VPS13B: variants seen among roughly 807,000 people sequenced by gnomAD.
The protein encoded by VPS13B is intermembrane lipid transfer protein VPS13B.
Under a neutral mutation model 426.4 loss-of-function variants are expected in VPS13B, and 285 were observed. The ratio of observed to expected loss-of-function variants is 0.67; its 90% confidence interval spans 0.61 to 0.74. The LOEUF (loss-of-function observed/expected upper bound fraction) is 0.74. VPS13B is among the 30% of genes least tolerant of loss of function. The pLI is 0.00. For missense variants in VPS13B, 4,537 were observed against 4,782.6 expected (o/e 0.95, Z 1.51); for synonymous variants, 1,676 against 1,676.4 (o/e 1.00, Z 0.01).
At chr8:99,821,213 T>A (rs1814351512) in intron 49 of VPS13B, 81 bp from the exon 50 acceptor site, 1 of 1,306,678 alleles carries the variant, frequency 7.7e-7, no homozygotes. Context: ...TATATAATAT[T>A]AAAAAAAAAA....
intron 17 of VPS13B, among the ~76,000 whole-genome samples, chr8:99,267,644 T>G (rs1170098161): frequency 6.6e-6 from 1 of 151,734 alleles, no homozygotes; most frequent in Non-Finnish European, 1.5e-5. Flanking sequence ...GGAGAATCGC[T>G]TGAACCAGGG....
Position 99,135,678 on chromosome 8 carries a change from G to A in VPS13B, c.1508G>A (p.Ser503Asn). 3 of 1,613,356 alleles carry A rather than the reference G, an allele frequency of 1.9e-6. No homozygotes were observed. Among genetic ancestry groups the A allele is most frequent in the South Asian group, 1.1e-5 (1 of 91,040 alleles). Residue 503 changes from serine to asparagine, a missense_variant, in exon 11 of 62, where the codon AGC becomes AAC. Around this residue, in one of 2 missense-constraint regions of VPS13B, gnomAD observed 4,311 missense variants for 4,474.3 expected, o/e 0.96. Transcript: ENST00000357162. ...ACAAATTCATTGTTTGATTACCGAA[G>A]CCCAGAAAATAATGGTACTCGCGCA... is the stretch of plus-strand genomic sequence containing the variant. Reference protein sequence around the residue: ...YLTNSLFDYRSPENNGTRAEF... With the variant: ...YLTNSLFDYRNPENNGTRAEF...
At chr8:99,476,779 G>A (rs1412245773) in intron 24 of VPS13B, among the ~76,000 whole-genome samples, 1 of 152,094 alleles carries the variant, frequency 6.6e-6, no homozygotes, top group Admixed American at 6.5e-5. Context: ...TCAGAGAAAA[G>A]ACTCTATCAC....
chr8:99,348,848 C>T (rs946642351), intron 19 of VPS13B, among the ~76,000 whole-genome samples: 1 of 151,564 alleles, frequency 6.6e-6, no homozygotes, highest in East Asian at 1.9e-4. Flanking sequence ...TTTTTTTAAA[C>T]GCACATGAAA....
chr8:99,475,807 C>G (rs1334770847), intron 24 of VPS13B, among the ~76,000 whole-genome samples: 1 of 152,232 alleles, frequency 6.6e-6, no homozygotes, highest in Admixed American at 6.5e-5. Context: ...CCACCTTTCT[C>G]CTGTTCTCCT....
At chr8:99,758,635 T>G (rs986959782) in intron 39 of VPS13B, among the ~76,000 whole-genome samples, 1 of 152,090 alleles carries the variant, frequency 6.6e-6, no homozygotes, top group Non-Finnish European at 1.5e-5. Context: ...AGGTGTCAGT[T>G]CCACCACATG....
chr8:99,460,700 TTTGC>T (rs1393248190), intron 23 of VPS13B, among the ~76,000 whole-genome samples: 6 of 152,150 alleles, frequency 3.9e-5, no homozygotes, highest in Non-Finnish European at 8.8e-5. Context: ...GAAGGATAGT[TTTGC>T]TGGGTATAAA....
intron 21 of VPS13B, among the ~76,000 whole-genome samples, chr8:99,402,239 G>A (rs923200573): frequency 7.2e-5 from 11 of 152,142 alleles, no homozygotes; most frequent in African/African-American, 2.7e-4. Context: ...TAGAAGCCTA[G>A]GATTCAGTGT....
chr8:99,487,360 A>G (rs1820367655), intron 25 of VPS13B, among the ~76,000 whole-genome samples: 1 of 152,204 alleles, frequency 6.6e-6, no homozygotes, highest in Non-Finnish European at 1.5e-5. Flanking sequence ...ACTAAGAACT[A>G]GTCTTTTTAA....
At position 99,113,806 on chromosome 8, in the gene VPS13B, G is replaced by T. The variant is rs539247416; in HGVS notation, c.763-1894G>T. ...TCTCAAACTCCTGACCTCATGATCC[G>T]CCTGGCTCAGCCTCCCAAAGTGCTG... is the stretch of plus-strand genomic sequence containing the variant. On this transcript the variant is annotated intron_variant, in intron 6 of 61. Transcript: ENST00000357162. Among the ~76,000 whole-genome samples, 8 of 150,618 alleles carry T rather than the reference G, an allele frequency of 5.3e-5. No individual in the cohort carries two copies. In the South Asian group the frequency reaches 8.4e-4, roughly 16 times the overall value.
At chr8:99,573,379 C>G (rs549261931) in intron 31 of VPS13B, among the ~76,000 whole-genome samples, 2 of 152,310 alleles carry the variant, frequency 1.3e-5, no homozygotes, top group East Asian at 3.9e-4. Flanking sequence ...TTGCCCATGC[C>G]TATGTCCTGA....
intron 61 of VPS13B, among the ~76,000 whole-genome samples, chr8:99,874,244 A>G (rs1474548194): frequency 6.6e-6 from 1 of 152,168 alleles, no homozygotes; most frequent in Non-Finnish European, 1.5e-5. Flanking sequence ...TGTGTATTCA[A>G]AGCTTTCCAG....
At chr8:99,056,610 C>T (rs187277929) in intron 3 of VPS13B, among the ~76,000 whole-genome samples, 102 of 152,264 alleles carry the variant, frequency 6.7e-4, no homozygotes, top group African/African-American at 1.3e-3. Context: ...TTATCTTTGA[C>T]GGAATGCTTT....
At chr8:99,444,347 T>C (rs1817815562) in intron 23 of VPS13B, among the ~76,000 whole-genome samples, 1 of 152,224 alleles carries the variant, frequency 6.6e-6, no homozygotes, top group Non-Finnish European at 1.5e-5. Context: ...TCCACCCGCC[T>C]TGGTCTCCCA....
intron 30 of VPS13B, among the ~76,000 whole-genome samples, chr8:99,532,497 T>C (rs1463790698): frequency 6.6e-6 from 1 of 152,090 alleles, no homozygotes; most frequent in South Asian, 2.1e-4. Flanking sequence ...TTATAAAAGA[T>C]AGGGAGCTGA....
intron 17 of VPS13B, among the ~76,000 whole-genome samples, chr8:99,201,524 T>G (rs545746531): frequency 6.6e-6 from 1 of 152,184 alleles, no homozygotes; most frequent in East Asian, 1.9e-4. Context: ...AAGTAAGAGA[T>G]AAATTTTGAG....
At chr8:99,025,801 G>A (rs944691524) in intron 2 of VPS13B, among the ~76,000 whole-genome samples, 2 of 151,990 alleles carry the variant, frequency 1.3e-5, no homozygotes, top group Non-Finnish European at 2.9e-5. Context: ...ATATGTGTCC[G>A]GGAATTTATT....
intron 29 of VPS13B, 84 bp from the exon 30 acceptor site, chr8:99,520,815 T>G: frequency 9.6e-7 from 1 of 1,039,454 alleles, no homozygotes; most frequent in East Asian, 2.4e-5. Context: ...GTGTCTCTAT[T>G]CCATTCCCTC....
chr8:99,522,165 C>A (rs965436596), intron 30 of VPS13B, among the ~76,000 whole-genome samples: 2 of 151,962 alleles, frequency 1.3e-5, no homozygotes, highest in African/African-American at 4.8e-5. Context: ...CTTTTGACTC[C>A]CTTAGGATCT....
Sources: allele counts gnomAD v4.1 joint callset (sites outside exome capture counted in the v4.1 genomes callset), GRCh38; gene constraint gnomAD v4.1.1; regional missense constraint gnomAD v4.1.1; transcripts MANE v1.5; gene names NCBI Gene and HGNC (gene_info 2026-07-23, HGNC 2026-07-21).